The following MECOM variants were observed in gnomAD, a reference collection of about 807,000 sequenced individuals.
The protein encoded by MECOM is MDS1 and EVI1 complex locus.
MECOM carries 13 observed loss-of-function variants against 116.3 expected under a neutral mutation model. The ratio of observed to expected loss-of-function variants is 0.11; its 90% CI spans 0.07 to 0.18. The LOEUF (loss-of-function observed/expected upper bound fraction) is 0.18. Ranked by LOEUF, MECOM falls within the 10% of genes least tolerant of loss-of-function variation. The pLI is 1.00. For synonymous variants in MECOM, 528 were observed against 535.2 expected, an observed-to-expected ratio of 0.99 and a Z score of 0.19; for missense variants, 1,299 against 1,509.0, an observed-to-expected ratio of 0.86 and a Z score of 2.31.
chr3:169,524,034 GAATA>G (rs1427511996), intron 1 of MECOM, among the ~76,000 whole-genome samples: 10 of 107,038 alleles, frequency 9.3e-5, no homozygotes, highest in Admixed American at 3.8e-4. Flanking sequence ...GTATGTATAT[GAATA>G]AATATATATA....
chr3:169,100,460 GA>G lies in MECOM; in HGVS notation c.2849+424del, dbSNP rs199588364. ...GGAAAATGACTTAGCTGTGCTGGGGGAAAAAAAGTACATATGGGTTATTAAC... is the reference window on the plus strand; with the variant it reads ...GGAAAATGACTTAGCTGTGCTGGGGGAAAAAAGTACATATGGGTTATTAAC... On this transcript the variant is annotated intron_variant, in intron 12 of 16. Coordinates refer to ENST00000651503, the MANE Select transcript of MECOM (RefSeq NM_004991.4). Among the ~76,000 whole-genome samples the G allele has an allele frequency of 4.3e-3, 661 of 152,046 alleles. 3 individuals carry two copies. Among genetic ancestry groups the G allele is most frequent in the East Asian group, 8.9e-3 (46 of 5,186 alleles).
chr3:169,420,651 C>A (rs6766149), intron 1 of MECOM, among the ~76,000 whole-genome samples: 17,974 of 151,952 alleles, frequency 0.12, 1,356 homozygotes, highest in East Asian at 0.35. Context: ...TCCTCTGGTT[C>A]AACTATGAAT....
chr3:169,321,496 G>A (rs565709575), intron 2 of MECOM, among the ~76,000 whole-genome samples: 2 of 151,966 alleles, frequency 1.3e-5, no homozygotes, highest in Admixed American at 1.3e-4. Flanking sequence ...AGCTGAGATT[G>A]CAACACTGCA....
At chr3:169,412,377 C>T (rs1737702815) in intron 1 of MECOM, among the ~76,000 whole-genome samples, 1 of 151,338 alleles carries the variant, frequency 6.6e-6, no homozygotes, top group South Asian at 2.1e-4. Flanking sequence ...ATTTTTATTA[C>T]AATGATCTTA....
intron 1 of MECOM, among the ~76,000 whole-genome samples, chr3:169,490,112 T>C (rs1383817183): frequency 6.6e-6 from 1 of 152,174 alleles, no homozygotes; most frequent in Non-Finnish European, 1.5e-5. Context: ...TCAACTTTAT[T>C]AGTAAAGAGA....
At chr3:169,165,149 T>G (rs1036853110) in intron 2 of MECOM, among the ~76,000 whole-genome samples, 18 of 152,204 alleles carry the variant, frequency 1.2e-4, no homozygotes, top group African/African-American at 3.9e-4. Context: ...TATAGATACA[T>G]GTCATCGGAA....
intron 12 of MECOM, among the ~76,000 whole-genome samples, chr3:169,097,549 C>A (rs1722014263): frequency 6.6e-6 from 1 of 151,932 alleles, no homozygotes; most frequent in Non-Finnish European, 1.5e-5. Context: ...AGCTCTGGGC[C>A]TGGGTTTTAA....
intron 1 of MECOM, among the ~76,000 whole-genome samples, chr3:169,511,570 C>T (rs1023849306): frequency 2.0e-4 from 30 of 152,194 alleles, no homozygotes; most frequent in Middle Eastern, 3.4e-3. Flanking sequence ...AAGACCAGCC[C>T]GGCCAACATG....
intron 1 of MECOM, among the ~76,000 whole-genome samples, chr3:169,643,522 T>C (rs1281899093): frequency 1.3e-5 from 2 of 152,144 alleles, no homozygotes; most frequent in Non-Finnish European, 2.9e-5. Flanking sequence ...GGCAGAAAAG[T>C]GTGAATGAGC....
intron 1 of MECOM, among the ~76,000 whole-genome samples, chr3:169,467,870 C>A (rs180831944): frequency 6.6e-6 from 1 of 152,172 alleles, no homozygotes. Context: ...GATGACCCAG[C>A]TCATGGTCAG....
At chr3:169,101,128 T>C (rs999793873) in intron 11 of MECOM, among the ~76,000 whole-genome samples, 166 bp from the exon 12 acceptor site, 2 of 151,010 alleles carry the variant, frequency 1.3e-5, no homozygotes, top group Non-Finnish European at 3.0e-5. Context: ...GATATTAATA[T>C]AAATAACTCT....
At chr3:169,265,596 T>C (rs1262508685) in intron 2 of MECOM, among the ~76,000 whole-genome samples, 3 of 152,188 alleles carry the variant, frequency 2.0e-5, no homozygotes, top group African/African-American at 7.2e-5. Flanking sequence ...TGAAGGAGTG[T>C]GTGACATCAG....
rs550067833 is a variant in MECOM at position 169,285,564 on chromosome 3, T to C, written c.375+95623A>G. Among the ~76,000 whole-genome samples, 25 of 152,236 alleles carry C rather than the reference T, an allele frequency of 1.6e-4. No individual in the cohort carries two copies. The South Asian group carries it at 2.5e-3, about 15-fold the overall frequency. On this transcript the variant is annotated intron_variant, in intron 2 of 16. Coordinates refer to ENST00000651503, the MANE Select transcript of MECOM (RefSeq NM_004991.4). ...ATCTGGTATCTTGTAGAATTTCAGC[T>C]ACAAGTGTGTGACTGCAGTAAACAG...
intron 2 of MECOM, among the ~76,000 whole-genome samples, chr3:169,334,587 C>T (rs1021939301): frequency 5.9e-5 from 9 of 152,062 alleles, no homozygotes; most frequent in South Asian, 4.2e-4. Flanking sequence ...TCATTCATTG[C>T]GAGAGAGAAA....
intron 2 of MECOM, among the ~76,000 whole-genome samples, chr3:169,345,501 G>C (rs1343603081): frequency 6.6e-6 from 1 of 152,036 alleles, no homozygotes; most frequent in Non-Finnish European, 1.5e-5. Flanking sequence ...AATCACAATA[G>C]TCAATAGAGT....
At chr3:169,482,928 T>C (rs1751552892) in intron 1 of MECOM, among the ~76,000 whole-genome samples, 1 of 152,202 alleles carries the variant, frequency 6.6e-6, no homozygotes, top group Non-Finnish European at 1.5e-5. Context: ...ACAATACATA[T>C]ATTGACTTCT....
chr3:169,597,777 A>G (rs1767312733), intron 1 of MECOM, among the ~76,000 whole-genome samples: 1 of 152,172 alleles, frequency 6.6e-6, no homozygotes, highest in Non-Finnish European at 1.5e-5. Context: ...ATGAGGGAGT[A>G]TCAACACACA....
At chr3:169,566,099 A>T (rs1763203876) in intron 1 of MECOM, 2 of 325,604 alleles carry the variant, frequency 6.1e-6, no homozygotes, top group African/African-American at 4.5e-5. Context: ...ATACTTGTAA[A>T]CCATCAGATC....
chr3:169,526,501 G>A (rs566523101), intron 1 of MECOM, among the ~76,000 whole-genome samples: 4 of 152,106 alleles, frequency 2.6e-5, no homozygotes, highest in Non-Finnish European at 5.9e-5. Flanking sequence ...AATAAATGAG[G>A]ATCAAAATTT....
Sources: gnomAD v4.1 joint callset for allele counts (sites outside exome capture counted in the v4.1 genomes callset) on GRCh38, gnomAD v4.1.1 for gene constraint, MANE v1.5 for transcripts, NCBI Gene and HGNC (gene_info 2026-07-23, HGNC 2026-07-21) for gene names.